The following TUBGCP2 variants were observed in gnomAD, a reference collection of about 807,000 sequenced individuals.
TUBGCP2 encodes the protein tubulin gamma complex component 2, also known as gamma-tubulin complex component 2.
In TUBGCP2, 55 loss-of-function variants were observed where a neutral mutation model predicts 92.2. The ratio of observed to expected loss-of-function variants is 0.60; its 90% CI spans 0.48 to 0.75. TUBGCP2 has a LOEUF of 0.75. Ranked by LOEUF, TUBGCP2 falls within the 30% of genes least tolerant of loss-of-function variation. TUBGCP2 has a pLI of 0.00. For synonymous variants in TUBGCP2, 533 were observed against 505.2 expected (o/e 1.06, Z -0.74); for missense variants, 1,093 against 1,188.9 (o/e 0.92, Z 1.19).
intron 5 of TUBGCP2, among the ~76,000 whole-genome samples, chr10:133,294,003 C>T (rs139741661): frequency 1.1e-3 from 172 of 152,366 alleles, no homozygotes; most frequent in African/African-American, 3.8e-3. Context: ...GATCTCACCA[C>T]ACTCGGCTCC....
At chr10:133,288,638 G>A (rs1480639264) in intron 10 of TUBGCP2, among the ~76,000 whole-genome samples, 1 of 152,210 alleles carries the variant, frequency 6.6e-6, no homozygotes, top group Non-Finnish European at 1.5e-5. Flanking sequence ...GGGGAGCTGG[G>A]GCCCCTGGAC....
At position 133,285,456 on chromosome 10, in the gene TUBGCP2, C is replaced by G. The variant is rs1357041282; in HGVS notation, c.1895G>C (p.Arg632Thr). 1 of 1,613,626 alleles carries G rather than the reference C, an allele frequency of 6.2e-7. No homozygotes were observed. The highest frequency in any genetic ancestry group is 8.5e-7 in the Non-Finnish European group (1 of 1,179,948). ...VKWPLSLIIN[R>T]KALTRYQMLF... ...AGGTGCCCGAGCAGCCGACCCGCAC[C>G]TGTTGATGATGAGCGAAAGGGGCCA... Residue 632 changes from arginine (R) to threonine (T), a missense_variant and splice_region_variant, in exon 12 of 18, where the codon AGG becomes ACG. Transcript: ENST00000252936. The surrounding 1 kb of genome is among the most constrained non-coding windows in gnomAD (Gnocchi z 6.8).
Position 133,281,427 on chromosome 10 carries a change from C to T in TUBGCP2, c.2419G>A (p.Glu807Lys). 1 of 1,612,546 alleles carries T rather than the reference C, an allele frequency of 6.2e-7. No homozygotes were observed. ...RKELARKHLAEHADTVQLVSG... is the reference protein window; with the variant it reads ...RKELARKHLAKHADTVQLVSG... ...ACCAGCTGCACAGTGTCTGCGTGCTCAGCCAGGTGCTGGAAAGAAAGCCGG... is the reference window on the plus strand; with the variant it reads ...ACCAGCTGCACAGTGTCTGCGTGCTTAGCCAGGTGCTGGAAAGAAAGCCGG... Residue 807 changes from glutamate (E) to lysine (K), a missense_variant, in exon 17 of 18, where the codon GAG (glutamate) becomes AAG (lysine). By Grantham distance (56) the Glu-to-Lys change is moderately conservative. This residue lies in a region of TUBGCP2 where 598 missense variants were observed against 675.5 expected (regional missense o/e 0.89). Transcript: ENST00000252936.
chr10:133,282,458 G>T (rs1398043415), intron 15 of TUBGCP2, 116 bp from the exon 16 acceptor site: 3 of 1,373,952 alleles, frequency 2.2e-6, no homozygotes, highest in East Asian at 5.2e-5. Context: ...GCCTGCGGCT[G>T]GGGGTACACA....
upstream of TUBGCP2, chr10:133,312,206 C>T (rs1016480052): frequency 1.3e-5 from 18 of 1,398,870 alleles, no homozygotes; most frequent in South Asian, 4.7e-5. Context: ...GTGCCGTCTG[C>T]GTTTCTAGCG....
chr10:133,310,045 G>C, upstream of TUBGCP2: 2 of 1,609,090 alleles, frequency 1.2e-6, no homozygotes. Context: ...GCTGCCCCCA[G>C]CTCTCGGGTG....
At chr10:133,307,681 G>A (rs532475756) in intron 1 of TUBGCP2, among the ~76,000 whole-genome samples, 2 of 152,298 alleles carry the variant, frequency 1.3e-5, no homozygotes, top group East Asian at 3.9e-4. Context: ...GCAGGCAGAG[G>A]TTGCAGTGAG....
chr10:133,300,262 A>G (rs1847610971), intron 2 of TUBGCP2, 149 bp from the exon 3 acceptor site: 1 of 935,594 alleles, frequency 1.1e-6, no homozygotes, highest in African/African-American at 1.7e-5. Flanking sequence ...AACAAAACTC[A>G]TCTCCATATT....
intron 15 of TUBGCP2, 64 bp from the exon 16 acceptor site, chr10:133,282,406 A>C (rs1847007451): frequency 6.6e-7 from 1 of 1,521,426 alleles, no homozygotes; most frequent in African/African-American, 1.4e-5. Context: ...TTGCAGAAAA[A>C]ACAAGTCCTG....
chr10:133,293,315 C>A, intron 6 of TUBGCP2, 77 bp from the exon 7 acceptor site: 1 of 1,528,078 alleles, frequency 6.5e-7, no homozygotes, highest in South Asian at 1.2e-5. Flanking sequence ...TGAGTCTCAT[C>A]CCAAACAGGA....
chr10:133,294,076 C>T (rs1285868356), intron 5 of TUBGCP2, among the ~76,000 whole-genome samples: 1 of 152,254 alleles, frequency 6.6e-6, no homozygotes. Context: ...AAGGCGACTC[C>T]AGCAGAAGCT....
chr10:133,279,952 T>C (rs1381183497), intron 17 of TUBGCP2, 51 bp from the exon 18 acceptor site: 2 of 1,587,364 alleles, frequency 1.3e-6, no homozygotes, highest in Admixed American at 3.6e-5. Context: ...TGCGGGTGCA[T>C]GCTGGGCAGC....
At chr10:133,305,571 C>A (rs571569621) in intron 1 of TUBGCP2, among the ~76,000 whole-genome samples, 4 of 152,074 alleles carry the variant, frequency 2.6e-5, no homozygotes, top group Non-Finnish European at 5.9e-5. Flanking sequence ...GAGAAAAACC[C>A]ACCGACCCTG....
chr10:133,288,648 C>T (rs1047736738), intron 10 of TUBGCP2, among the ~76,000 whole-genome samples, 192 bp downstream of exon 10: 9 of 152,246 alleles, frequency 5.9e-5, no homozygotes, highest in African/African-American at 1.7e-4. Context: ...GGCCCCTGGA[C>T]AAGGTGACCG....
chr10:133,295,928 A>AG (rs1847477906), intron 5 of TUBGCP2: 1 of 152,546 alleles, frequency 6.6e-6, no homozygotes, highest in African/African-American at 2.4e-5. Context: ...AGGTGGCACA[A>AG]GGGGACAGGG....
At chr10:133,284,073 A>T in intron 13 of TUBGCP2, 71 bp from the exon 14 acceptor site, 1 of 1,578,098 alleles carries the variant, frequency 6.3e-7, no homozygotes. Flanking sequence ...AGTGACACGG[A>T]GGACGGAGGA....
chr10:133,285,661 G>A lies in TUBGCP2; in HGVS notation c.1723-33C>T. 1 of 1,491,494 alleles carries A rather than the reference G, an allele frequency of 6.7e-7. No individual in the cohort carries two copies. Among genetic ancestry groups the A allele is most frequent in the Non-Finnish European group, 8.9e-7 (1 of 1,121,656 alleles). The allele number at this position is 1,491,494 out of a possible 1,614,324, so 92.4% of individuals were successfully genotyped here. A position where few individuals can be genotyped will look rare whatever the true frequency, so the allele number is the denominator to read the frequency against. ...GGAAGGAAATGAAACAAAGCATCCA[G>A]TTTTAAGGAAAAGACCCGAAGTCGC... is the stretch of plus-strand genomic sequence containing the variant. On this transcript the variant is annotated intron_variant, in intron 11 of 17. Coordinates refer to ENST00000252936, the MANE Select transcript of TUBGCP2 (RefSeq NM_006659.4). The surrounding 1 kb of genome is among the most constrained non-coding windows in gnomAD (Gnocchi z 6.8).
upstream of TUBGCP2, chr10:133,309,315 G>C: frequency 6.5e-7 from 1 of 1,531,364 alleles, no homozygotes; most frequent in South Asian, 1.2e-5. Context: ...CTGGGGCCAC[G>C]GGTGTGGGCG....
In TUBGCP2 at chr10:133,305,289, C is replaced by CCT. The variant is rs1246506037; in HGVS notation, c.-39-2311_-39-2310dup. ...TAGAAGAAATAATGACATAAGCTGT[C>CCT]CTCTCTCTCTCCGCCTCGGCTACGT... On this transcript the variant is annotated intron_variant, in intron 1 of 17. Transcript: ENST00000252936. Among the ~76,000 whole-genome samples the CCT allele has an allele frequency of 4.6e-5, 7 of 152,256 alleles. No individual in the cohort carries two copies. In the East Asian group the frequency reaches 1.4e-3, roughly 29 times the overall value.
Sources: allele counts gnomAD v4.1 joint callset (sites outside exome capture counted in the v4.1 genomes callset), GRCh38; gene constraint gnomAD v4.1.1; regional missense constraint gnomAD v4.1.1; non-coding constraint Gnocchi (gnomAD v3.1); transcripts MANE v1.5; gene names NCBI Gene and HGNC (gene_info 2026-07-23, HGNC 2026-07-21).